Variants in CDH11 observed in about 807,000 individuals in gnomAD.
The protein encoded by CDH11 is cadherin 11, also known as cadherin-11.
Under a neutral mutation model 67.8 loss-of-function variants are expected in CDH11, and 11 were observed. That is an observed-to-expected ratio of 0.16 (90% CI 0.10 to 0.27). CDH11 has a LOEUF of 0.27. Among genes scored for constraint, CDH11 ranks in the 10% least tolerant of loss-of-function variants. The probability of loss-of-function intolerance (pLI) is 1.00; values close to 1 mark genes in which losing one functional copy is unlikely to be tolerated. For missense variants in CDH11, 847 were observed against 1,031.2 expected, an observed-to-expected ratio of 0.82 and a Z score of 2.45; for synonymous variants, 419 against 400.0, an observed-to-expected ratio of 1.05 and a Z score of -0.57.
At position 65,053,792 on chromosome 16, in the gene CDH11, A is replaced by C. The variant is rs1224255454; in HGVS notation, c.-173+12T>G. The C allele has an allele frequency of 2.2e-6, 1 of 456,034 alleles. No individual in the cohort carries two copies. The highest frequency in any genetic ancestry group is 4.4e-6 in the Non-Finnish European group (1 of 226,768). The allele number at this position is 456,034 out of a possible 1,614,324, so 28.2% of individuals were successfully genotyped here. On this transcript the variant is annotated intron_variant, in intron 2 of 12. Coordinates refer to ENST00000268603, the MANE Select transcript of CDH11 (RefSeq NM_001797.4). ...AATATGTGAATTGTTCAGTAATATT[A>C]GTCCAACTTACCTTCTTCACCCATT...
chr16:64,991,677 T>C, intron 6 of CDH11, 91 bp downstream of exon 6: 2 of 869,684 alleles, frequency 2.3e-6, no homozygotes, highest in Non-Finnish European at 3.5e-6. Context: ...GATTTTCTTT[T>C]TGATACCTCA....
In CDH11 at chr16:65,112,950, A is replaced by G. The variant is rs769907805; in HGVS notation, c.-298+8930T>C. Reference sequence around the variant, plus strand: ...ACAAATGAACTAATGATACGTTTACAAAGAAATCAGACCACAGGTACAACT... The same window carrying G: ...ACAAATGAACTAATGATACGTTTACGAAGAAATCAGACCACAGGTACAACT... On this transcript the variant is annotated intron_variant, in intron 1 of 12. Coordinates refer to ENST00000268603, the MANE Select transcript of CDH11 (RefSeq NM_001797.4). Among the ~76,000 whole-genome samples the G allele has an allele frequency of 3.2e-4, 48 of 152,232 alleles. 1 individual carries two copies. Among genetic ancestry groups the G allele is most frequent in the Non-Finnish European group, 5.9e-5 (4 of 68,044 alleles).
intron 12 of CDH11, chr16:64,948,887 T>G (rs1428419528): frequency 1.2e-6 from 1 of 839,958 alleles, no homozygotes; most frequent in East Asian, 2.7e-5. Context: ...CAATATTCCA[T>G]TAGAAGGCTC....
chr16:64,998,605 C>T lies in CDH11; in HGVS notation c.480G>A (p.Leu160=). Residue 160 remains leucine (L), a synonymous_variant, in exon 4 of 13, where the codon CTG becomes CTA. Coordinates refer to ENST00000268603, the MANE Select transcript of CDH11 (RefSeq NM_001797.4). ...GCACGTTGGCATGATAGGTCTCGTG[C>T]AGGAACTCCGGAGGGTTGTCATTAA... The part of the protein sequence containing the change: ...QDINDNPPEF[L]HETYHANVPE... 6.2e-7 allele frequency: 1 copy of T among 1,614,074 alleles called. No homozygotes were observed. Among genetic ancestry groups the T allele is most frequent in the East Asian group, 2.2e-5 (1 of 44,842 alleles).
At chr16:65,096,383 A>G (rs190771943) in intron 1 of CDH11, among the ~76,000 whole-genome samples, 94 of 149,820 alleles carry the variant, frequency 6.3e-4, no homozygotes, top group Middle Eastern at 3.5e-3. Flanking sequence ...GCTTAAGTCA[A>G]TCTCTTACCA....
intron 2 of CDH11, among the ~76,000 whole-genome samples, chr16:65,017,100 C>T (rs187092434): frequency 2.8e-3 from 427 of 152,270 alleles, no homozygotes; most frequent in Middle Eastern, 0.01. Flanking sequence ...TGGCCAGCTT[C>T]TTTACTGCCT....
At chr16:65,049,469 TG>T (rs2074019270) in intron 2 of CDH11, among the ~76,000 whole-genome samples, 1 of 152,022 alleles carries the variant, frequency 6.6e-6, no homozygotes, top group African/African-American at 2.4e-5. Flanking sequence ...TCATGACCCC[TG>T]CGCATAGCAG....
Position 64,948,029 on chromosome 16 carries a change from A to G in CDH11, c.1965T>C (p.Asp655=). 1.9e-6 allele frequency: 3 copies of G among 1,614,176 alleles called. No homozygotes were observed. The highest frequency in any genetic ancestry group is 1.6e-4 in the Middle Eastern group (1 of 6,062). The change falls in exon 13 of 13, where the codon GAT becomes GAC. Residue 655 remains aspartate (D), a synonymous_variant. Transcript: ENST00000268603. ...CATAAGTAATGATGTTCTCACGGACATCTTCTTCCTCAAAGACAATGAGTG... is the reference window on the plus strand; with the variant it reads ...CATAAGTAATGATGTTCTCACGGACGTCTTCTTCCTCAAAGACAATGAGTG... ...KEPLIVFEEE[D]VRENIITYDD...
intron 2 of CDH11, 53 bp from the exon 3 acceptor site, chr16:65,005,094 C>T (rs1484002745): frequency 3.8e-6 from 5 of 1,330,742 alleles, no homozygotes; most frequent in Non-Finnish European, 3.8e-6. Context: ...CACTTCATTT[C>T]CATTCCTTTC....
In CDH11 at chr16:64,947,479, T is replaced by C; in HGVS notation, c.*124A>G. 6.7e-7 allele frequency: 1 copy of C among 1,495,218 alleles called. No individual in the cohort carries two copies. The highest frequency in any genetic ancestry group is 8.9e-7 in the Non-Finnish European group (1 of 1,124,502). 92.6% of individuals were successfully genotyped at this position (1,495,218 alleles called of 1,614,324 possible). On this transcript the variant is annotated 3_prime_UTR_variant, in exon 13 of 13. Transcript: ENST00000268603. ...TCGCAGTTTTATTAAATGTATCCTC[T>C]CTGTAAAACTTTGCCTGTTTTAAAT...
chr16:65,062,307 T>C (rs75196915), intron 1 of CDH11, among the ~76,000 whole-genome samples: 121 of 152,342 alleles, frequency 7.9e-4, no homozygotes, highest in African/African-American at 2.7e-3. Flanking sequence ...AATCCGCTTA[T>C]TTGCAAGTTT....
In CDH11 at chr16:64,945,312, A is replaced by G. The variant is rs1192562432; in HGVS notation, c.*2291T>C. ...GAAAAAATAAAAGGTAAAAAAAAAA[A>G]AAAAAAAGAAAAAGAAAAACAAGTA... On this transcript the variant is annotated 3_prime_UTR_variant, in exon 13 of 13. Coordinates refer to ENST00000268603, the MANE Select transcript of CDH11 (RefSeq NM_001797.4). 8 of 670,932 alleles carry G rather than the reference A, an allele frequency of 1.2e-5. No homozygotes were observed. The highest frequency in any genetic ancestry group is 1.9e-5 in the African/African-American group (1 of 53,244). 41.6% of individuals were successfully genotyped at this position (670,932 alleles called of 1,614,324 possible).
chr16:65,012,061 CA>C (rs1353306146), intron 2 of CDH11, among the ~76,000 whole-genome samples: 2 of 152,196 alleles, frequency 1.3e-5, no homozygotes, highest in Non-Finnish European at 2.9e-5. Flanking sequence ...AGACTGTTCT[CA>C]AACAATACTG....
chr16:65,001,265 C>T (rs547948499), intron 3 of CDH11, among the ~76,000 whole-genome samples: 2 of 152,238 alleles, frequency 1.3e-5, no homozygotes, highest in East Asian at 3.9e-4. Context: ...AATGTGTTGT[C>T]GTGAAATTAT....
intron 1 of CDH11, among the ~76,000 whole-genome samples, chr16:65,057,032 A>G (rs1196078662): frequency 6.6e-6 from 1 of 152,136 alleles, no homozygotes; most frequent in Non-Finnish European, 1.5e-5. Context: ...GTATACAATT[A>G]TATCATGTTT....
chr16:64,950,807 G>A lies in CDH11; in HGVS notation c.1854C>T (p.Gly618=), dbSNP rs372527203. 37 of 1,614,138 alleles carry A rather than the reference G, an allele frequency of 2.3e-5. No homozygotes were observed. The East Asian group carries it at 7.4e-4, about 32-fold the overall frequency. ...TGCAGGCGAGGATGGCGATCAGGGCGCCTGTGCTCAGGCCGGCGTTCAGAA... is the reference window on the plus strand; with the variant it reads ...TGCAGGCGAGGATGGCGATCAGGGCACCTGTGCTCAGGCCGGCGTTCAGAA... ...AYILNAGLST[G]ALIAILACIV... The change falls in exon 12 of 13, where the codon GGC becomes GGT. Residue 618 remains glycine (G), a synonymous_variant. Coordinates refer to ENST00000268603, the MANE Select transcript of CDH11 (RefSeq NM_001797.4).
intron 11 of CDH11, 49 bp from the exon 12 acceptor site, chr16:64,951,067 A>G (rs1255615679): frequency 4.7e-5 from 75 of 1,580,650 alleles, no homozygotes; most frequent in Non-Finnish European, 6.5e-5. Flanking sequence ...GACCATTGGA[A>G]TCACAGCGGC....
intron 11 of CDH11, among the ~76,000 whole-genome samples, chr16:64,964,471 T>TG (rs1311668817): frequency 6.6e-6 from 1 of 152,136 alleles, no homozygotes; most frequent in African/African-American, 2.4e-5. Flanking sequence ...GGACAGGAAG[T>TG]GGGTGAGTCA....
At chr16:64,971,737 T>C (rs1469486631) in intron 10 of CDH11, 41 bp from the exon 11 acceptor site, 3 of 1,465,176 alleles carry the variant, frequency 2.0e-6, no homozygotes, top group Non-Finnish European at 2.9e-6. Context: ...CATGCTGACA[T>C]TGGCACATCA....
Sources: gnomAD v4.1 joint callset for allele counts (sites outside exome capture counted in the v4.1 genomes callset) on GRCh38, gnomAD v4.1.1 for gene constraint, MANE v1.5 for transcripts, NCBI Gene and HGNC (gene_info 2026-07-23, HGNC 2026-07-21) for gene names.